SPATS2L: variants seen among roughly 807,000 people sequenced by gnomAD.
SPATS2L encodes spermatogenesis associated serine rich 2 like.
A neutral mutation model predicts 59.6 loss-of-function variants in SPATS2L; 30 were observed. The observed-to-expected ratio is 0.50, with a 90% CI of 0.38 to 0.68. The LOEUF (loss-of-function observed/expected upper bound fraction) is 0.68. Ranked by LOEUF, SPATS2L falls within the 30% of genes least tolerant of loss-of-function variation. The pLI is 0.00. For missense variants in SPATS2L, 615 were observed against 700.0 expected, an observed-to-expected ratio of 0.88 and a Z score of 1.37; for synonymous variants, 252 against 263.5, an observed-to-expected ratio of 0.96 and a Z score of 0.42.
At chr2:200,374,322 C>T (rs938126149) in intron 2 of SPATS2L, among the ~76,000 whole-genome samples, 2 of 152,134 alleles carry the variant, frequency 1.3e-5, no homozygotes, top group Non-Finnish European at 2.9e-5. Flanking sequence ...AGTGCCATTC[C>T]GATCATTGCC....
At chr2:200,427,992 A>C (rs1026476961) in intron 6 of SPATS2L, among the ~76,000 whole-genome samples, 1 of 151,512 alleles carries the variant, frequency 6.6e-6, no homozygotes, top group Non-Finnish European at 1.5e-5. Context: ...GGATCACTTG[A>C]GCTGGGGGTC....
chr2:200,361,728 T>C (rs1425385938), intron 2 of SPATS2L, among the ~76,000 whole-genome samples: 1 of 152,222 alleles, frequency 6.6e-6, no homozygotes, highest in Non-Finnish European at 1.5e-5. Flanking sequence ...TACATCCTCT[T>C]CAGTTTTTCA....
At chr2:200,349,204 GTCT>G (rs2080627872) in intron 2 of SPATS2L, among the ~76,000 whole-genome samples, 1 of 152,184 alleles carries the variant, frequency 6.6e-6, no homozygotes, top group Admixed American at 6.5e-5. Flanking sequence ...CCAGCATTCC[GTCT>G]GTCACTTTAG....
intron 2 of SPATS2L, among the ~76,000 whole-genome samples, chr2:200,354,337 G>T (rs536231499): frequency 6.6e-6 from 1 of 152,258 alleles, no homozygotes; most frequent in South Asian, 2.1e-4. Context: ...GGTCGGGCGC[G>T]ATGGCTCACA....
intron 1 of SPATS2L, among the ~76,000 whole-genome samples, chr2:200,320,715 ATTT>A (rs1343206273): frequency 3.3e-5 from 5 of 152,044 alleles, no homozygotes; most frequent in African/African-American, 1.2e-4. Context: ...AAAGAGGTTT[ATTT>A]TTCTTCCCAC....
intron 6 of SPATS2L, among the ~76,000 whole-genome samples, chr2:200,437,193 A>G (rs2084358103): frequency 6.6e-6 from 1 of 152,202 alleles, no homozygotes; most frequent in Non-Finnish European, 1.5e-5. Context: ...CCCTTACAGC[A>G]ATGCAAAAAC....
At chr2:200,400,000 C>G (rs1169997226) in intron 3 of SPATS2L, among the ~76,000 whole-genome samples, 1 of 152,018 alleles carries the variant, frequency 6.6e-6, no homozygotes, top group Non-Finnish European at 1.5e-5. Context: ...TCAATAATTA[C>G]CATTTCCCCC....
At chr2:200,344,179 A>G (rs984274870) in intron 2 of SPATS2L, among the ~76,000 whole-genome samples, 1 of 152,070 alleles carries the variant, frequency 6.6e-6, no homozygotes, top group Admixed American at 6.6e-5. Context: ...CCAGGTACTA[A>G]GCCTAGTATT....
At position 200,331,594 on chromosome 2, in the gene SPATS2L, G is replaced by T. The variant is rs574848563; in HGVS notation, c.-23+2114G>T. Among the ~76,000 whole-genome samples, 4 of 152,310 alleles carry T rather than the reference G, an allele frequency of 2.6e-5. No individual in the cohort carries two copies. The South Asian group carries it at 8.3e-4, about 32-fold the overall frequency. The stretch of plus-strand genomic sequence containing the variant: ...GAGGCTCCAGGAGGAATGATTTTGA[G>T]TCGCACCTCAGCTACTTAACAGCAG... On this transcript the variant is annotated intron_variant, in intron 2 of 12. Coordinates refer to ENST00000409140, the MANE Select transcript of SPATS2L (RefSeq NM_001100423.2).
intron 2 of SPATS2L, among the ~76,000 whole-genome samples, chr2:200,346,184 C>T (rs1345549197): frequency 1.3e-5 from 2 of 152,208 alleles, no homozygotes; most frequent in African/African-American, 4.8e-5. Context: ...AGGTAAATTA[C>T]AGTAACATCT....
rs530811309 is a variant in SPATS2L, at chr2:200,439,149, T to C, written c.473T>C (p.Leu158Pro). Residue 158 changes from leucine (L) to proline (P), a missense_variant, in exon 7 of 13, where the codon CTA becomes CCA. Around this residue, in one of 3 missense-constraint regions of SPATS2L, gnomAD observed 227 missense variants for 257.4 expected, o/e 0.88. Transcript: ENST00000409140. The stretch of plus-strand genomic sequence containing the variant: ...GGCAACAGACTACTGCAACAGAAAC[T>C]ATCCTTAGATGGGAACCCCAAACCT... ...TEGNRLLQQKLSLDGNPKPIH... is the reference protein window; with the variant it reads ...TEGNRLLQQKPSLDGNPKPIH... 20 of 1,613,706 alleles carry C rather than the reference T, an allele frequency of 1.2e-5. No homozygotes were observed. The South Asian group carries it at 2.2e-4, about 18-fold the overall frequency.
intron 3 of SPATS2L, among the ~76,000 whole-genome samples, chr2:200,399,729 C>G (rs2082464051): frequency 6.6e-6 from 1 of 152,102 alleles, no homozygotes; most frequent in African/African-American, 2.4e-5. Flanking sequence ...ATAAACTCCC[C>G]TCAAAGAGAG....
intron 1 of SPATS2L, among the ~76,000 whole-genome samples, chr2:200,313,042 T>G (rs1036434577): frequency 6.6e-6 from 1 of 152,242 alleles, no homozygotes; most frequent in Non-Finnish European, 1.5e-5. Flanking sequence ...ATAACTTGAT[T>G]GAGTCTGCAG....
At chr2:200,354,895 A>G (rs1332647670) in intron 2 of SPATS2L, among the ~76,000 whole-genome samples, 2 of 152,208 alleles carry the variant, frequency 1.3e-5, no homozygotes, top group South Asian at 2.1e-4. Context: ...ACCAGATTTT[A>G]ACAACAAAGG....
At chr2:200,377,691 T>G (rs2081646925) in intron 2 of SPATS2L, among the ~76,000 whole-genome samples, 1 of 152,232 alleles carries the variant, frequency 6.6e-6, no homozygotes, top group African/African-American at 2.4e-5. Flanking sequence ...AGGCAAGAAC[T>G]TCACTTCCTT....
At chr2:200,404,017 T>C (rs988551662) in intron 3 of SPATS2L, among the ~76,000 whole-genome samples, 4 of 152,228 alleles carry the variant, frequency 2.6e-5, no homozygotes, top group African/African-American at 9.6e-5. Context: ...TTTCTCTGAA[T>C]TCTTAGAAAA....
chr2:200,334,077 C>T (rs2080054062), intron 2 of SPATS2L, among the ~76,000 whole-genome samples: 2 of 152,260 alleles, frequency 1.3e-5, no homozygotes, highest in South Asian at 4.1e-4. Flanking sequence ...GGAATCGCCA[C>T]ACTGTCTTCC....
Position 200,412,429 on chromosome 2 carries a change from C to T in SPATS2L, c.148+10C>T. 6.8e-7 allele frequency: 1 copy of T among 1,471,640 alleles called. No homozygotes were observed. The highest frequency in any genetic ancestry group is 9.3e-7 in the Non-Finnish European group (1 of 1,071,604). 91.2% of individuals were successfully genotyped at this position (1,471,640 alleles called of 1,614,324 possible). On this transcript the variant is annotated intron_variant, in intron 4 of 12. Coordinates refer to ENST00000409140, the MANE Select transcript of SPATS2L (RefSeq NM_001100423.2). ...CAAGCCTTTGTGGATGGTAGGTATACCTGTACCCTGCAGCTGAAGATGTTA... is the reference window on the plus strand; with the variant it reads ...CAAGCCTTTGTGGATGGTAGGTATATCTGTACCCTGCAGCTGAAGATGTTA...
chr2:200,362,802 G>A (rs1488832221), intron 2 of SPATS2L, among the ~76,000 whole-genome samples: 1 of 152,160 alleles, frequency 6.6e-6, no homozygotes, highest in Admixed American at 6.6e-5. Flanking sequence ...AGGATATAAA[G>A]AAGGAGAAAA....
Sources: allele counts gnomAD v4.1 joint callset (sites outside exome capture counted in the v4.1 genomes callset), GRCh38; gene constraint gnomAD v4.1.1; regional missense constraint gnomAD v4.1.1; transcripts MANE v1.5; gene names NCBI Gene and HGNC (gene_info 2026-07-23, HGNC 2026-07-21).